Variants in PCDHGA10 observed in about 807,000 individuals in gnomAD.
PCDHGA10 encodes the protein protocadherin gamma-A10.
Under a neutral mutation model 59.5 loss-of-function variants are expected in PCDHGA10, and 42 were observed. The ratio of observed to expected loss-of-function variants is 0.71; its 90% CI spans 0.55 to 0.91. PCDHGA10 has a LOEUF of 0.91. PCDHGA10 is among the 40% of genes least tolerant of loss of function. The pLI is 0.00. For missense variants in PCDHGA10, 1,111 were observed against 1,198.2 expected, an observed-to-expected ratio of 0.93 and a Z score of 1.07; for synonymous variants, 511 against 517.2, an observed-to-expected ratio of 0.99 and a Z score of 0.16.
rs1365133001 is a variant in PCDHGA10 at position 141,477,683 on chromosome 5, G to A, written c.2437-17124G>A. ...TGACAATGGCATAGTGTCATCCTTA[G>A]TGCCCCTAGACTATGAGGATCGGCG... On this transcript the variant is annotated intron_variant, in intron 1 of 3. Transcript: ENST00000398610. This position sits in a 1 kb window ranked among gnomAD's most constrained non-coding sequence, Gnocchi z 4.9. 1.2e-6 allele frequency: 2 copies of A among 1,614,176 alleles called. No homozygotes were observed. The highest frequency in any genetic ancestry group is 3.3e-5 in the Admixed American group (2 of 60,028).
At chr5:141,503,099 C>T (rs1286557930) in intron 2 of PCDHGA10, among the ~76,000 whole-genome samples, 1 of 151,884 alleles carries the variant, frequency 6.6e-6, no homozygotes, top group Non-Finnish European at 1.5e-5. Context: ...GTGGTCTGCC[C>T]GCCCCTGCCT....
intron 1 of PCDHGA10, chr5:141,478,247 G>A (rs1377698933): frequency 1.2e-6 from 2 of 1,614,074 alleles, no homozygotes; most frequent in Admixed American, 3.3e-5. Context: ...CACAGTGTTC[G>A]GAGTAATCAT....
chr5:141,473,756 A>G (rs2099328139), intron 1 of PCDHGA10, among the ~76,000 whole-genome samples: 1 of 152,228 alleles, frequency 6.6e-6, no homozygotes, highest in African/African-American at 2.4e-5. Context: ...CTTGGATACT[A>G]TGCAAAGGAT....
chr5:141,418,372 A>T (rs771262387), intron 1 of PCDHGA10: 25 of 1,613,968 alleles, frequency 1.5e-5, no homozygotes, highest in Non-Finnish European at 2.1e-5. Flanking sequence ...GCAAATACCA[A>T]CTAAGTCCTA....
At chr5:141,484,347 T>C (rs569724902) in intron 1 of PCDHGA10, among the ~76,000 whole-genome samples, 2 of 152,302 alleles carry the variant, frequency 1.3e-5, no homozygotes, top group East Asian at 1.9e-4. Flanking sequence ...AATGGTAATT[T>C]AGTGTATCTA....
Position 141,432,617 on chromosome 5 carries a change from G to A in PCDHGA10, c.2436+17006G>A. The A allele has an allele frequency of 6.2e-7, 1 of 1,613,694 alleles. No individual in the cohort carries two copies. Among genetic ancestry groups the A allele is most frequent in the South Asian group, 1.1e-5 (1 of 91,044 alleles). On this transcript the variant is annotated intron_variant, in intron 1 of 3. Coordinates refer to ENST00000398610, the MANE Select transcript of PCDHGA10 (RefSeq NM_018913.3). This position sits in a 1 kb window ranked among gnomAD's most constrained non-coding sequence, Gnocchi z 6.0. ...CAGCGAGCCGGGACTCTTCTCGGTGGGTCTGCACACGGGCGAGGTGCGCAC... is the reference window on the plus strand; with the variant it reads ...CAGCGAGCCGGGACTCTTCTCGGTGAGTCTGCACACGGGCGAGGTGCGCAC...
chr5:141,503,440 C>A (rs1185892958), intron 2 of PCDHGA10, among the ~76,000 whole-genome samples: 2 of 151,694 alleles, frequency 1.3e-5, no homozygotes, highest in African/African-American at 4.8e-5. Context: ...ACTAAAAATA[C>A]AAAAATTCGC....
At chr5:141,508,718 G>T (rs2099871076) in intron 3 of PCDHGA10, among the ~76,000 whole-genome samples, 1 of 151,852 alleles carries the variant, frequency 6.6e-6, no homozygotes, top group Non-Finnish European at 1.5e-5. Flanking sequence ...TTTTCTGTGT[G>T]CAGGGAGACT....
intron 1 of PCDHGA10, among the ~76,000 whole-genome samples, chr5:141,444,203 C>A (rs2098425806): frequency 1.3e-5 from 1 of 79,180 alleles, no homozygotes; most frequent in Admixed American, 2.0e-4. Context: ...TGGAGTTTCA[C>A]TCTTGTTGCC....
intron 1 of PCDHGA10, among the ~76,000 whole-genome samples, chr5:141,464,431 A>G (rs1352563675): frequency 6.6e-6 from 1 of 151,648 alleles, no homozygotes; most frequent in Non-Finnish European, 1.5e-5. Flanking sequence ...ATATAGATAT[A>G]TATGTTTGTT....
At position 141,432,552 on chromosome 5, in the gene PCDHGA10, C is replaced by G. The variant is rs1181931321; in HGVS notation, c.2436+16941C>G. ...AAGGTGGTGGCGGTGGACAGAGACT[C>G]CGGCCAGAACGCCTGGCTGTCCTAC... On this transcript the variant is annotated intron_variant, in intron 1 of 3. Coordinates refer to ENST00000398610, the MANE Select transcript of PCDHGA10 (RefSeq NM_018913.3). The surrounding 1 kb of genome is among the most constrained non-coding windows in gnomAD (Gnocchi z 6.0). The G allele has an allele frequency of 6.2e-7, 1 of 1,613,970 alleles. No homozygotes were observed. The highest frequency in any genetic ancestry group is 1.1e-5 in the South Asian group (1 of 91,064).
Position 141,432,562 on chromosome 5 carries a change from C to G in PCDHGA10, c.2436+16951C>G. On this transcript the variant is annotated intron_variant, in intron 1 of 3. Coordinates refer to ENST00000398610, the MANE Select transcript of PCDHGA10 (RefSeq NM_018913.3). The surrounding 1 kb of genome is among the most constrained non-coding windows in gnomAD (Gnocchi z 6.0). ...CGGTGGACAGAGACTCCGGCCAGAA[C>G]GCCTGGCTGTCCTACCGTCTGCTCA... 1 of 1,613,964 alleles carries G rather than the reference C, an allele frequency of 6.2e-7. No homozygotes were observed. Among genetic ancestry groups the G allele is most frequent in the Non-Finnish European group, 8.5e-7 (1 of 1,180,004 alleles).
In PCDHGA10 at chr5:141,432,139, T is replaced by A. The variant is rs950514553; in HGVS notation, c.2436+16528T>A. ...TCCCTCAGGCCTCCTATTCCGCTTA[T>A]ATCCCAGAGAACAATCCCAGAGGAG... is the stretch of plus-strand genomic sequence containing the variant. On this transcript the variant is annotated intron_variant, in intron 1 of 3. Transcript: ENST00000398610. The surrounding 1 kb of genome is among the most constrained non-coding windows in gnomAD (Gnocchi z 6.0). The A allele has an allele frequency of 6.8e-6, 11 of 1,613,976 alleles. No individual in the cohort carries two copies. Among genetic ancestry groups the A allele is most frequent in the Non-Finnish European group, 9.3e-6 (11 of 1,180,032 alleles).
At chr5:141,419,053 T>C in intron 1 of PCDHGA10, 1 of 1,613,954 alleles carries the variant, frequency 6.2e-7, no homozygotes, top group South Asian at 1.1e-5. Context: ...ATTCTTCTTC[T>C]AATAATTACT....
intron 1 of PCDHGA10, among the ~76,000 whole-genome samples, chr5:141,435,043 C>T (rs2097739230): frequency 1.3e-5 from 2 of 151,658 alleles, no homozygotes; most frequent in African/African-American, 2.4e-5. Flanking sequence ...ATTTTTTTCC[C>T]ATTGACCATG....
At chr5:141,453,922 T>C (rs2098777315) in intron 1 of PCDHGA10, among the ~76,000 whole-genome samples, 1 of 152,230 alleles carries the variant, frequency 6.6e-6, no homozygotes, top group African/African-American at 2.4e-5. Context: ...CAGTGATCAG[T>C]CACTGTGTGC....
intron 1 of PCDHGA10, among the ~76,000 whole-genome samples, chr5:141,462,763 G>A (rs935087747): frequency 2.6e-5 from 4 of 152,036 alleles, no homozygotes; most frequent in Non-Finnish European, 4.4e-5. Context: ...TTTTCTTCCT[G>A]GCTTGGGGTC....
In PCDHGA10 at chr5:141,432,091, C is replaced by A. The variant is rs370491149; in HGVS notation, c.2436+16480C>A. ...CTCATATCTCGCTGAACGTGGCAGA[C>A]ACCAACGACAACCCGCCGGTCTTCC... On this transcript the variant is annotated intron_variant, in intron 1 of 3. Coordinates refer to ENST00000398610, the MANE Select transcript of PCDHGA10 (RefSeq NM_018913.3). This position sits in a 1 kb window ranked among gnomAD's most constrained non-coding sequence, Gnocchi z 6.0. 6.2e-7 allele frequency: 1 copy of A among 1,614,056 alleles called. No individual in the cohort carries two copies. Among genetic ancestry groups the A allele is most frequent in the African/African-American group, 1.3e-5 (1 of 74,908 alleles).
At chr5:141,465,657 G>A (rs904553709) in intron 1 of PCDHGA10, among the ~76,000 whole-genome samples, 4 of 152,130 alleles carry the variant, frequency 2.6e-5, no homozygotes, top group East Asian at 1.9e-4. Flanking sequence ...CCAAAAAAGC[G>A]CTTGCCATGA....
Sources: gnomAD v4.1 joint callset for allele counts (sites outside exome capture counted in the v4.1 genomes callset) on GRCh38, gnomAD v4.1.1 for gene constraint, Gnocchi (gnomAD v3.1) non-coding constraint, MANE v1.5 for transcripts, NCBI Gene and HGNC (gene_info 2026-07-23, HGNC 2026-07-21) for gene names.